Variants in CPLX2 observed in about 807,000 individuals in gnomAD.
CPLX2 encodes complexin 2.
A neutral mutation model predicts 16.3 loss-of-function variants in CPLX2; 5 were observed. The ratio of observed to expected loss-of-function variants is 0.31; its 90% CI spans 0.16 to 0.64. The LOEUF is 0.64. Ranked by LOEUF, CPLX2 falls within the 30% of genes least tolerant of loss-of-function variation. The pLI is 0.79. For missense variants in CPLX2, 144 were observed against 181.4 expected, an observed-to-expected ratio of 0.79 and a Z score of 1.18; for synonymous variants, 89 against 73.2, an observed-to-expected ratio of 1.22 and a Z score of -1.10.
upstream of CPLX2, among the ~76,000 whole-genome samples, chr5:175,870,333 C>T (rs116117608): frequency 6.6e-6 from 1 of 152,256 alleles, no homozygotes; most frequent in Non-Finnish European, 1.5e-5. Flanking sequence ...TGCTTTAAGG[C>T]CTCTGCTGTG....
At position 175,878,665 on chromosome 5, in the gene CPLX2, C is replaced by T. The variant is rs1296946316; in HGVS notation, c.-75C>T. 5 of 1,562,652 alleles carry T rather than the reference C, an allele frequency of 3.2e-6. No individual in the cohort carries two copies. The highest frequency in any genetic ancestry group is 4.4e-6 in the Non-Finnish European group (5 of 1,147,004). On this transcript the variant is annotated 5_prime_UTR_variant, in exon 2 of 4. Transcript: ENST00000393745. Reference sequence around the variant, plus strand: ...TCTCTTCTGCAGGTTGTCACATCTTCCCAAGCCAGGCCAGCCAGGAGCGCT... The same window carrying T: ...TCTCTTCTGCAGGTTGTCACATCTTTCCAAGCCAGGCCAGCCAGGAGCGCT...
intron 2 of CPLX2, among the ~76,000 whole-genome samples, chr5:175,856,694 G>A (rs1221840593): frequency 1.3e-5 from 2 of 152,190 alleles, no homozygotes; most frequent in Non-Finnish European, 2.9e-5. Flanking sequence ...CTCATCTACA[G>A]ACAGAGATGA....
At chr5:175,835,962 C>T (rs1758825018) in intron 2 of CPLX2, among the ~76,000 whole-genome samples, 2 of 151,928 alleles carry the variant, frequency 1.3e-5, no homozygotes, top group South Asian at 4.1e-4. Context: ...TGGTCTCAAA[C>T]TCCTGACCTC....
At chr5:175,835,449 A>G (rs1256225658) in intron 2 of CPLX2, among the ~76,000 whole-genome samples, 1 of 152,208 alleles carries the variant, frequency 6.6e-6, no homozygotes, top group South Asian at 2.1e-4. Flanking sequence ...TTCCCAAATC[A>G]TTTTAAGAGG....
rs1452124252 is a variant in CPLX2 at position 175,881,202 on chromosome 5, C to CA, written c.*1158dup. 1 of 153,256 alleles carries CA rather than the reference C, an allele frequency of 6.5e-6. No individual in the cohort carries two copies. The highest frequency in any genetic ancestry group is 1.5e-5 in the Non-Finnish European group (1 of 68,186). The allele number at this position is 153,256 out of a possible 1,614,324, so 9.5% of individuals were successfully genotyped here. A position where few individuals can be genotyped will look rare whatever the true frequency, so the allele number is the denominator to read the frequency against. Reference sequence around the variant, plus strand: ...AGGGAGGAAACTGTATCCATGCATGCATGATAATGCGTGGCAGAGACTGCA... The same window carrying CA: ...AGGGAGGAAACTGTATCCATGCATGCAATGATAATGCGTGGCAGAGACTGCA... On this transcript the variant is annotated 3_prime_UTR_variant, in exon 4 of 4. Transcript: ENST00000393745.
At chr5:175,871,153 G>A (rs1759582588), upstream of CPLX2, among the ~76,000 whole-genome samples, 1 of 151,950 alleles carries the variant, frequency 6.6e-6, no homozygotes, top group Admixed American at 6.6e-5. Context: ...TTGCTTTAAA[G>A]AACCCTTCCT....
rs977113747 is a variant in CPLX2, at chr5:175,882,675, T to C, written c.*2630T>C. 2.0e-5 allele frequency: 3 copies of C among 152,698 alleles called. No individual in the cohort carries two copies. The highest frequency in any genetic ancestry group is 4.4e-5 in the Non-Finnish European group (3 of 68,102). The allele number at this position is 152,698 out of a possible 1,614,324, so 9.5% of individuals were successfully genotyped here. On this transcript the variant is annotated 3_prime_UTR_variant, in exon 4 of 4. Transcript: ENST00000393745. ...TGGGTCCATGTCCCAGACCCCTCTA[T>C]TCTGCTCCAGGACAGCAGGACTTCA...
In CPLX2 at chr5:175,845,277, T is replaced by C. The variant is rs1469651027; in HGVS notation, c.-88-33375T>C. ...CAACCCTACAAGGATCCACTATTCT[T>C]GGACTAAAACCCACAGCCCACTCTG... is the stretch of plus-strand genomic sequence containing the variant. On this transcript the variant is annotated intron_variant, in intron 2 of 4. Transcript: ENST00000359546. This position sits in a 1 kb window ranked among gnomAD's most constrained non-coding sequence, Gnocchi z 4.0. Among the ~76,000 whole-genome samples, 1 of 152,212 alleles carries C rather than the reference T, an allele frequency of 6.6e-6. No individual in the cohort carries two copies. The highest frequency in any genetic ancestry group is 1.5e-5 in the Non-Finnish European group (1 of 68,038).
intron 2 of CPLX2, among the ~76,000 whole-genome samples, chr5:175,817,384 CTGACATCACG>C (rs1281965899): frequency 6.6e-6 from 1 of 152,248 alleles, no homozygotes; most frequent in Non-Finnish European, 1.5e-5. Flanking sequence ...CGCATAGTCT[CTGACATCACG>C]TGTCTAATGC....
At chr5:175,799,542 A>ATATATATT (rs1409533277) in intron 1 of CPLX2, among the ~76,000 whole-genome samples, 879 of 79,150 alleles carry the variant, frequency 0.011, 46 homozygotes, top group African/African-American at 0.023. Flanking sequence ...CAAATTTCAT[A>ATATATATT]TATATATATA....
At position 175,881,419 on chromosome 5, in the gene CPLX2, G is replaced by A. The variant is rs988782696; in HGVS notation, c.*1374G>A. Reference sequence around the variant, plus strand: ...GTCATATGTGTGTGCTATCCATCTCGTGTTTAGAGGCTGTATATGTTAGCT... The same window carrying A: ...GTCATATGTGTGTGCTATCCATCTCATGTTTAGAGGCTGTATATGTTAGCT... On this transcript the variant is annotated 3_prime_UTR_variant, in exon 4 of 4. Transcript: ENST00000393745. 4.6e-5 allele frequency: 7 copies of A among 153,438 alleles called. No individual in the cohort carries two copies. The highest frequency in any genetic ancestry group is 3.9e-4 in the Admixed American group (6 of 15,280). The allele number at this position is 153,438 out of a possible 1,614,324, so 9.5% of individuals were successfully genotyped here.
rs1560035 is a variant in CPLX2, at chr5:175,833,757, G to A, written c.-89+24689G>A. ...AGCCAAAATCAGTCAGTCCCCAGAC[G>A]GAGGGGACTCTCTCCGCCCCTTCCT... On this transcript the variant is annotated intron_variant, in intron 2 of 4. Coordinates refer to the CPLX2 transcript ENST00000359546. Among the ~76,000 whole-genome samples the A allele has an allele frequency of 3.3e-3, 506 of 152,106 alleles. 1 individual carries two copies. The highest frequency in any genetic ancestry group is 3.7e-3 in the Non-Finnish European group (252 of 67,960).
intron 2 of CPLX2, among the ~76,000 whole-genome samples, chr5:175,840,111 C>T (rs944600609): frequency 4.6e-5 from 7 of 152,090 alleles, no homozygotes; most frequent in African/African-American, 1.4e-4. Flanking sequence ...TTTTTTTCTA[C>T]AGAACATATC....
intron 1 of CPLX2, among the ~76,000 whole-genome samples, chr5:175,808,589 A>G (rs145199458): frequency 9.2e-5 from 14 of 152,336 alleles, no homozygotes; most frequent in Admixed American, 5.9e-4. Context: ...AGATGAGGAC[A>G]CTGAGGCTCA....
Position 175,810,973 on chromosome 5 carries a change from A to G in CPLX2, c.-89+1905A>G, listed in dbSNP as rs138164659. Among the ~76,000 whole-genome samples, 1,342 of 152,286 alleles carry G rather than the reference A, an allele frequency of 8.8e-3. 14 individuals carry two copies. The highest frequency in any genetic ancestry group is 0.024 in the Middle Eastern group (7 of 294). On this transcript the variant is annotated intron_variant, in intron 2 of 4. Transcript: ENST00000359546. Reference sequence around the variant, plus strand: ...ATAGATTCTATTCAATTGTTCTAAGAGGCAGTGGGATGAGATGGAAAGAGC... The same window carrying G: ...ATAGATTCTATTCAATTGTTCTAAGGGGCAGTGGGATGAGATGGAAAGAGC...
chr5:175,866,254 G>T (rs1160350011), intron 2 of CPLX2, among the ~76,000 whole-genome samples: 1 of 152,212 alleles, frequency 6.6e-6, no homozygotes, highest in Non-Finnish European at 1.5e-5. Flanking sequence ...CTAGCTCTAG[G>T]GAGAGGCCAT....
intron 1 of CPLX2, among the ~76,000 whole-genome samples, chr5:175,806,456 G>A (rs1470030085): frequency 6.6e-6 from 1 of 152,100 alleles, no homozygotes; most frequent in Non-Finnish European, 1.5e-5. Context: ...GTAGCTTAAG[G>A]ATCTGCTTTC....
At chr5:175,840,321 G>A (rs1051470869) in intron 2 of CPLX2, among the ~76,000 whole-genome samples, 3 of 152,118 alleles carry the variant, frequency 2.0e-5, no homozygotes, top group Non-Finnish European at 2.9e-5. Context: ...CTAGTTATAG[G>A]TGTTTTACAG....
intron 2 of CPLX2, among the ~76,000 whole-genome samples, chr5:175,827,938 G>A (rs1487810734): frequency 1.3e-5 from 2 of 152,130 alleles, no homozygotes; most frequent in African/African-American, 4.8e-5. Flanking sequence ...TGCCCCCAAG[G>A]AGTTTACAGT....
Sources: gnomAD v4.1 joint callset for allele counts (sites outside exome capture counted in the v4.1 genomes callset) on GRCh38, gnomAD v4.1.1 for gene constraint, Gnocchi (gnomAD v3.1) non-coding constraint, MANE v1.5 for transcripts, NCBI Gene and HGNC (gene_info 2026-07-23, HGNC 2026-07-21) for gene names.